Variants in CDC42BPA observed in about 807,000 individuals in gnomAD.
CDC42BPA encodes CDC42 binding protein kinase alpha, also known as serine/threonine-protein kinase MRCK alpha.
Under a neutral mutation model 223.5 loss-of-function variants are expected in CDC42BPA, and 80 were observed. That is an observed-to-expected ratio of 0.36 (90% CI 0.30 to 0.43). The LOEUF is 0.43. CDC42BPA is among the 20% of genes least tolerant of loss of function. CDC42BPA has a pLI of 1.00. For missense variants in CDC42BPA, 1,743 were observed against 2,099.9 expected (o/e 0.83, Z 3.32); for synonymous variants, 694 against 718.6 (o/e 0.97, Z 0.55).
chr1:227,209,062 G>A (rs1032659822), intron 3 of CDC42BPA, among the ~76,000 whole-genome samples: 1 of 149,894 alleles, frequency 6.7e-6, no homozygotes, highest in Non-Finnish European at 1.5e-5. Context: ...TCCTTGAAGA[G>A]GTCCTTCACA....
At chr1:227,024,733 A>G (rs996388219) in intron 31 of CDC42BPA, among the ~76,000 whole-genome samples, 2 of 152,338 alleles carry the variant, frequency 1.3e-5, no homozygotes, top group Non-Finnish European at 1.5e-5. Flanking sequence ...AGCAAAACTG[A>G]AAGATATATT....
intron 6 of CDC42BPA, among the ~76,000 whole-genome samples, chr1:227,154,023 A>G (rs1248279716): frequency 6.6e-6 from 1 of 151,936 alleles, no homozygotes; most frequent in African/African-American, 2.4e-5. Flanking sequence ...AGGTAACAAT[A>G]CTATATAAAA....
intron 12 of CDC42BPA, among the ~76,000 whole-genome samples, chr1:227,115,872 G>GAA (rs201721780): frequency 0.027 from 3,907 of 144,658 alleles, 180 homozygotes; most frequent in African/African-American, 0.093. Context: ...AAGAAAAGAG[G>GAA]AAAAAAAAAA....
At chr1:227,192,111 T>C (rs1187577822) in intron 5 of CDC42BPA, among the ~76,000 whole-genome samples, 1 of 152,142 alleles carries the variant, frequency 6.6e-6, no homozygotes, top group Non-Finnish European at 1.5e-5. Flanking sequence ...ATACAAATTG[T>C]TTAATTAAAG....
At chr1:227,187,301 AG>A (rs1176526937) in intron 5 of CDC42BPA, among the ~76,000 whole-genome samples, 1 of 152,248 alleles carries the variant, frequency 6.6e-6, no homozygotes, top group Non-Finnish European at 1.5e-5. Flanking sequence ...GCAACACTCA[AG>A]AACAGATAAA....
intron 34 of CDC42BPA, 41 bp downstream of exon 34, chr1:227,016,039 C>G (rs375891076): frequency 1.3e-5 from 13 of 1,030,104 alleles, no homozygotes; most frequent in Admixed American, 3.6e-5. Flanking sequence ...ATACTCCCCC[C>G]ACACCCGCCC....
intron 17 of CDC42BPA, among the ~76,000 whole-genome samples, chr1:227,080,264 C>T (rs913184095): frequency 6.6e-6 from 1 of 152,038 alleles, no homozygotes; most frequent in Non-Finnish European, 1.5e-5. Context: ...ATACAGTCTT[C>T]ATTAGATTCT....
intron 1 of CDC42BPA, among the ~76,000 whole-genome samples, chr1:227,283,187 G>GT (rs1245355594): frequency 6.6e-6 from 1 of 152,054 alleles, no homozygotes; most frequent in Non-Finnish European, 1.5e-5. Context: ...TGATACAACA[G>GT]TATGTTCCTG....
At position 227,126,573 on chromosome 1, in the gene CDC42BPA, T is replaced by C. The variant is rs564970676; in HGVS notation, c.1513+2536A>G. Among the ~76,000 whole-genome samples the C allele has an allele frequency of 4.6e-5, 7 of 151,784 alleles. No homozygotes were observed. In the South Asian group the frequency reaches 1.3e-3, roughly 27 times the overall value. On this transcript the variant is annotated intron_variant, in intron 11 of 36. Transcript: ENST00000366766. ...GAAAACTAAAGACTAATATCCTTCA[T>C]GTATATAGATGCAAAAATCCTTAAA...
At chr1:227,002,016 T>C (rs144049413) in intron 35 of CDC42BPA, among the ~76,000 whole-genome samples, 135 of 152,364 alleles carry the variant, frequency 8.9e-4, no homozygotes, top group Non-Finnish European at 1.7e-3. Flanking sequence ...GCTTTATTTA[T>C]AAAGACTACA....
At chr1:227,211,168 G>T (rs1037387506) in intron 3 of CDC42BPA, among the ~76,000 whole-genome samples, 2 of 152,064 alleles carry the variant, frequency 1.3e-5, no homozygotes, top group African/African-American at 4.8e-5. Context: ...TAAAAACTAA[G>T]GTGTTGAATA....
intron 21 of CDC42BPA, among the ~76,000 whole-genome samples, chr1:227,063,922 T>C (rs1365673119): frequency 6.6e-6 from 1 of 152,110 alleles, no homozygotes; most frequent in Non-Finnish European, 1.5e-5. Flanking sequence ...AATCAAGAGA[T>C]AAATTAAAGA....
intron 2 of CDC42BPA, among the ~76,000 whole-genome samples, chr1:227,243,891 A>AC (rs1190349688): frequency 6.6e-6 from 1 of 152,086 alleles, no homozygotes; most frequent in Non-Finnish European, 1.5e-5. Context: ...CAAAATGTGT[A>AC]CTTCATGGAA....
At chr1:227,254,533 C>T (rs150711146) in intron 1 of CDC42BPA, among the ~76,000 whole-genome samples, 10 of 152,324 alleles carry the variant, frequency 6.6e-5, no homozygotes, top group African/African-American at 2.4e-4. Flanking sequence ...GAGAGCTCTT[C>T]AGCAATTCCC....
At chr1:227,162,065 A>C (rs1345570118) in intron 5 of CDC42BPA, among the ~76,000 whole-genome samples, 1 of 152,202 alleles carries the variant, frequency 6.6e-6, no homozygotes, top group African/African-American at 2.4e-5. Context: ...TTTATCTTAA[A>C]AATTAAGCTA....
intron 10 of CDC42BPA, among the ~76,000 whole-genome samples, chr1:227,132,660 G>A (rs1247147244): frequency 6.6e-5 from 10 of 150,492 alleles, no homozygotes; most frequent in African/African-American, 1.5e-4. Context: ...GTCTCTGCCC[G>A]GCCGCCATCC....
chr1:227,125,189 A>G (rs1471261847), intron 11 of CDC42BPA, among the ~76,000 whole-genome samples: 4 of 119,752 alleles, frequency 3.3e-5, no homozygotes, highest in African/African-American at 1.3e-4. Context: ...ATTCTACTTG[A>G]GATAAACATC....
At chr1:227,052,764 C>T (rs143233207) in intron 21 of CDC42BPA, among the ~76,000 whole-genome samples, 16 of 152,096 alleles carry the variant, frequency 1.1e-4, no homozygotes, top group African/African-American at 3.9e-4. Context: ...ATAAAAACAC[C>T]ATCAGTTTAA....
intron 18 of CDC42BPA, 84 bp downstream of exon 18, chr1:227,074,170 CTGATA>C (rs1678992774): frequency 3.0e-6 from 4 of 1,317,334 alleles, no homozygotes; most frequent in Non-Finnish European, 4.3e-6. Context: ...TCTAAACAAA[CTGATA>C]TAAGTAATTG....
Sources: gnomAD v4.1 joint callset for allele counts (sites outside exome capture counted in the v4.1 genomes callset) on GRCh38, gnomAD v4.1.1 for gene constraint, MANE v1.5 for transcripts, NCBI Gene and HGNC (gene_info 2026-07-23, HGNC 2026-07-21) for gene names.